Variants in HMGXB4 observed in about 807,000 individuals in gnomAD.
HMGXB4 encodes HMG-box containing 4, also known as HMG domain-containing protein 4.
In HMGXB4, 27 loss-of-function variants were observed where a neutral mutation model predicts 63.9. That is an observed-to-expected ratio of 0.42 (90% confidence interval 0.31 to 0.58). The LOEUF is 0.58. Among genes scored for constraint, HMGXB4 ranks in the 20% least tolerant of loss-of-function variants. The pLI, the probability that HMGXB4 is intolerant of heterozygous loss-of-function variation, is 0.13. For synonymous variants in HMGXB4, 264 were observed against 265.3 expected (o/e 0.99, Z 0.05); for missense variants, 624 against 700.7 (o/e 0.89, Z 1.24).
chr22:35,290,525 A>G (rs1394911254), intron 9 of HMGXB4, among the ~76,000 whole-genome samples: 2 of 149,826 alleles, frequency 1.3e-5, no homozygotes, highest in African/African-American at 4.9e-5. Flanking sequence ...GGCGCCTGTG[A>G]GAGGCTGAGG....
At chr22:35,285,941 T>C in intron 6 of HMGXB4, 56 bp from the exon 7 acceptor site, 3 of 1,305,834 alleles carry the variant, frequency 2.3e-6, no homozygotes, top group African/African-American at 1.5e-5. Flanking sequence ...ACCAATCTTC[T>C]ATTTTGTTAA....
At chr22:35,263,266 C>A in intron 3 of HMGXB4, 40 bp downstream of exon 3, 2 of 1,493,226 alleles carry the variant, frequency 1.3e-6, no homozygotes, top group Non-Finnish European at 1.8e-6. Context: ...TCTTAAACTA[C>A]TCATTTTTTT....
At chr22:35,266,084 C>T (rs114709468) in intron 5 of HMGXB4, among the ~76,000 whole-genome samples, 1,617 of 152,136 alleles carry the variant, frequency 0.011, 28 homozygotes, top group African/African-American at 0.037. Context: ...CCACCATGCC[C>T]GGCCTAGGGT....
At chr22:35,284,153 C>A in intron 6 of HMGXB4, 110 bp downstream of exon 6, 1 of 769,782 alleles carries the variant, frequency 1.3e-6, no homozygotes, top group Non-Finnish European at 2.2e-6. Flanking sequence ...TTTCTTTCCT[C>A]AGTTCTGCAA....
At chr22:35,263,441 G>A (rs960644590) in intron 3 of HMGXB4, among the ~76,000 whole-genome samples, 6 of 151,828 alleles carry the variant, frequency 4.0e-5, no homozygotes. Context: ...GGGCCACCAC[G>A]CCTGGCCAAT....
In HMGXB4 at chr22:35,263,685, ATTAT is replaced by A. The variant is rs1029768419; in HGVS notation, c.181-108_181-105del. 4.4e-4 allele frequency: 322 copies of A among 738,642 alleles called. 1 individual carries two copies. The highest frequency in any genetic ancestry group is 5.8e-5 in the Non-Finnish European group (24 of 416,454). 45.8% of individuals were successfully genotyped at this position (738,642 alleles called of 1,614,324 possible). Reference sequence around the variant, plus strand: ...TAAAACGTTATGCACATCTATTTTTATTATTTCTTGTGCTTTGTTTCCCAAAATC... The same window carrying A: ...TAAAACGTTATGCACATCTATTTTTATTCTTGTGCTTTGTTTCCCAAAATC... On this transcript the variant is annotated intron_variant, in intron 3 of 10. Coordinates refer to ENST00000216106, the MANE Select transcript of HMGXB4 (RefSeq NM_001003681.3).
the HMGXB4 span, among the ~76,000 whole-genome samples, chr22:35,242,534 T>G: frequency 6.7e-6 from 1 of 150,258 alleles, no homozygotes; most frequent in Admixed American, 6.7e-5. Context: ...TAATCTGCTC[T>G]CTCTCTCTCT....
chr22:35,273,363 A>C (rs1923722508), intron 5 of HMGXB4, among the ~76,000 whole-genome samples: 1 of 152,146 alleles, frequency 6.6e-6, no homozygotes, highest in African/African-American at 2.4e-5. Context: ...TAGATCTTTG[A>C]CTCAAATTCA....
At chr22:35,280,914 A>C (rs1924203538) in intron 5 of HMGXB4, among the ~76,000 whole-genome samples, 1 of 152,168 alleles carries the variant, frequency 6.6e-6, no homozygotes, top group African/African-American at 2.4e-5. Context: ...AGGCACTCCT[A>C]CTACATGTTC....
At chr22:35,282,026 C>T (rs980038751) in intron 5 of HMGXB4, among the ~76,000 whole-genome samples, 1 of 152,144 alleles carries the variant, frequency 6.6e-6, no homozygotes, top group Non-Finnish European at 1.5e-5. Context: ...GGCAGCTAGG[C>T]AGAGTGCACG....
At chr22:35,265,637 G>T in intron 5 of HMGXB4, 34 bp downstream of exon 5, 2 of 1,490,668 alleles carry the variant, frequency 1.3e-6, no homozygotes, top group South Asian at 1.4e-5. Context: ...GGGGGTAAGA[G>T]ATTAAGCAGG....
At chr22:35,291,280 T>C (rs1924919751) in intron 9 of HMGXB4, among the ~76,000 whole-genome samples, 1 of 151,774 alleles carries the variant, frequency 6.6e-6, no homozygotes, top group Non-Finnish European at 1.5e-5. Context: ...AAAATAAAAA[T>C]AAAAATTGTG....
chr22:35,245,267 G>GT, the HMGXB4 span, among the ~76,000 whole-genome samples: 3 of 148,058 alleles, frequency 2.0e-5, no homozygotes, highest in South Asian at 2.1e-4. Context: ...CATCCATTGG[G>GT]TTTTTTGTTA....
the HMGXB4 span, among the ~76,000 whole-genome samples, chr22:35,246,573 G>A: frequency 3.3e-5 from 5 of 152,158 alleles, no homozygotes; most frequent in African/African-American, 1.2e-4. Flanking sequence ...GCTCCCGGCC[G>A]TATTTTCTCA....
chr22:35,255,389 C>T (rs1047579978), upstream of HMGXB4, among the ~76,000 whole-genome samples: 1 of 152,010 alleles, frequency 6.6e-6, no homozygotes. Flanking sequence ...GTGGCATGCA[C>T]CTGTGGTCCC....
intron 5 of HMGXB4, among the ~76,000 whole-genome samples, chr22:35,279,329 G>A (rs1440059106): frequency 6.6e-6 from 1 of 151,732 alleles, no homozygotes; most frequent in Non-Finnish European, 1.5e-5. Context: ...TGTATTTTTA[G>A]TAGAGACAGG....
At chr22:35,250,838 C>T in the HMGXB4 span, among the ~76,000 whole-genome samples, 3 of 152,164 alleles carry the variant, frequency 2.0e-5, no homozygotes, top group Non-Finnish European at 4.4e-5. Flanking sequence ...TCTCTACCCA[C>T]ATGGCTTGGG....
At chr22:35,259,663 A>G (rs1344966091) in intron 1 of HMGXB4, among the ~76,000 whole-genome samples, 1 of 152,218 alleles carries the variant, frequency 6.6e-6, no homozygotes, top group Non-Finnish European at 1.5e-5. Context: ...ATTTTAAAGA[A>G]CGTAGAAATT....
intron 2 of HMGXB4, 30 bp downstream of exon 2, chr22:35,262,451 A>T: frequency 1.2e-6 from 2 of 1,605,718 alleles, no homozygotes; most frequent in Non-Finnish European, 1.7e-6. Flanking sequence ...GAAGCATTCC[A>T]AAGGGGGTAT....
Sources: allele counts gnomAD v4.1 joint callset (sites outside exome capture counted in the v4.1 genomes callset), GRCh38; gene constraint gnomAD v4.1.1; transcripts MANE v1.5; gene names NCBI Gene and HGNC (gene_info 2026-07-23, HGNC 2026-07-21).